ADIG: variants seen among roughly 807,000 people sequenced by gnomAD.
The protein encoded by ADIG is adipogenin.
A neutral mutation model predicts 10.7 loss-of-function variants in ADIG; 12 were observed. The ratio of observed to expected loss-of-function variants is 1.12; its 90% CI spans 0.72 to 1.82. The LOEUF (loss-of-function observed/expected upper bound fraction) is 1.82, where lower values mean the gene tolerates loss of function less well. ADIG is among the 40% of genes most tolerant of loss of function. ADIG has a pLI of 0.00. For synonymous variants in ADIG, 32 were observed against 35.6 expected, an observed-to-expected ratio of 0.90 and a Z score of 0.36; for missense variants, 72 against 92.5, an observed-to-expected ratio of 0.78 and a Z score of 0.91.
chr20:38,588,164 G>A lies in ADIG; in HGVS notation c.*78G>A, dbSNP rs1328609253. The A allele has an allele frequency of 1.5e-6, 2 of 1,304,488 alleles. No homozygotes were observed. Among genetic ancestry groups the A allele is most frequent in the Non-Finnish European group, 1.0e-6 (1 of 988,718 alleles). 80.8% of individuals were successfully genotyped at this position (1,304,488 alleles called of 1,614,324 possible). Reference sequence around the variant, plus strand: ...AGAAGTGGATGGGAGAGACTTGCCAGGGAGGCAAGAGGACTTTGGCAACTG... The same window carrying A: ...AGAAGTGGATGGGAGAGACTTGCCAAGGAGGCAAGAGGACTTTGGCAACTG... On this transcript the variant is annotated 3_prime_UTR_variant, in exon 3 of 3. Transcript: ENST00000537425.
chr20:38,581,684 C>T (rs1190611325), intron 1 of ADIG, among the ~76,000 whole-genome samples: 1 of 151,940 alleles, frequency 6.6e-6, no homozygotes, highest in Non-Finnish European at 1.5e-5. Context: ...ATCTTTTGAA[C>T]AAATCAGAGG....
chr20:38,586,301 G>A, intron 2 of ADIG, 140 bp downstream of exon 2: 3 of 659,990 alleles, frequency 4.5e-6, no homozygotes, highest in Non-Finnish European at 7.7e-6. Flanking sequence ...TCTCCAGCAT[G>A]TGAGAGCCTT....
chr20:38,585,673 T>C (rs1170175080), intron 1 of ADIG: 2 of 818,724 alleles, frequency 2.4e-6, no homozygotes, highest in Non-Finnish European at 3.8e-6. Flanking sequence ...ACTCAGATGT[T>C]TGTTAATGAA....
intron 2 of ADIG, among the ~76,000 whole-genome samples, chr20:38,586,693 A>G (rs1306878429): frequency 6.6e-6 from 1 of 152,160 alleles, no homozygotes; most frequent in East Asian, 1.9e-4. Flanking sequence ...TAGAGGCTCA[A>G]TACATGTTTG....
Position 38,587,740 on chromosome 20 carries a change from CTT to C in ADIG, c.*15-347_*15-346del, listed in dbSNP as rs11477039. ...ACCCACCTCTTTCTTTCTTTTTTCC[CTT>C]TTTTTTTTTTTTTGAGACGGAGTCT... On this transcript the variant is annotated intron_variant, in intron 2 of 2. Coordinates refer to ENST00000537425, the MANE Select transcript of ADIG (RefSeq NM_001393816.1). Among the ~76,000 whole-genome samples the C allele has an allele frequency of 7.8e-3, 997 of 127,314 alleles. 3 individuals are homozygous for C. Among genetic ancestry groups the C allele is most frequent in the Middle Eastern group, 0.023 (6 of 256 alleles). 83.5% of individuals were successfully genotyped at this position (127,314 alleles called of 152,430 possible). A position where few individuals can be genotyped will look rare whatever the true frequency, so the allele number is the denominator to read the frequency against.
In ADIG at chr20:38,582,134, A is replaced by G. The variant is rs140920924; in HGVS notation, c.124+760A>G. Reference sequence around the variant, plus strand: ...TCAGCAAGAGGTCTCTTCCTGCTGGACACAGTGGCTCACACCTGTAATCCC... The same window carrying G: ...TCAGCAAGAGGTCTCTTCCTGCTGGGCACAGTGGCTCACACCTGTAATCCC... On this transcript the variant is annotated intron_variant, in intron 1 of 2. Transcript: ENST00000537425. 2.6e-3 allele frequency among the ~76,000 whole-genome samples: 403 copies of G among 152,228 alleles called. 1 individual carries two copies. Among genetic ancestry groups the G allele is most frequent in the African/African-American group, 9.2e-3 (384 of 41,542 alleles).
Position 38,587,349 on chromosome 20 carries a change from C to T in ADIG, c.*15-752C>T, listed in dbSNP as rs564626289. 7.2e-5 allele frequency among the ~76,000 whole-genome samples: 11 copies of T among 152,256 alleles called. No individual in the cohort carries two copies. In the South Asian group the frequency reaches 2.3e-3, roughly 32 times the overall value. On this transcript the variant is annotated intron_variant, in intron 2 of 2. Transcript: ENST00000537425. The stretch of plus-strand genomic sequence containing the variant: ...GAGGAGGTGGTGAAAAGGAGGGCCC[C>T]TCACTTAACCTAAGTTGTAATGATT...
At position 38,588,159 on chromosome 20, in the gene ADIG, T is replaced by G; in HGVS notation, c.*73T>G. Reference sequence around the variant, plus strand: ...ATGGCAGAAGTGGATGGGAGAGACTTGCCAGGGAGGCAAGAGGACTTTGGC... The same window carrying G: ...ATGGCAGAAGTGGATGGGAGAGACTGGCCAGGGAGGCAAGAGGACTTTGGC... On this transcript the variant is annotated 3_prime_UTR_variant, in exon 3 of 3. Coordinates refer to ENST00000537425, the MANE Select transcript of ADIG (RefSeq NM_001393816.1). 7.7e-7 allele frequency: 1 copy of G among 1,304,438 alleles called. No homozygotes were observed. Among genetic ancestry groups the G allele is most frequent in the Non-Finnish European group, 1.0e-6 (1 of 988,646 alleles). The allele number at this position is 1,304,438 out of a possible 1,614,324, so 80.8% of individuals were successfully genotyped here.
chr20:38,581,405 C>T, intron 1 of ADIG, 31 bp downstream of exon 1: 1 of 1,613,258 alleles, frequency 6.2e-7, no homozygotes, highest in South Asian at 1.1e-5. Flanking sequence ...AGGCAGGACC[C>T]TAATCCTGGA....
intron 2 of ADIG, among the ~76,000 whole-genome samples, chr20:38,587,283 T>C (rs1336828198): frequency 7.7e-6 from 1 of 130,150 alleles, no homozygotes; most frequent in Non-Finnish European, 1.5e-5. Flanking sequence ...AGTTGGTTCA[T>C]GCAGTGTGTT....
chr20:38,585,658 T>A, intron 1 of ADIG: 1 of 920,710 alleles, frequency 1.1e-6, no homozygotes. Context: ...TCATTGTGCC[T>A]TTGTACTCAG....
At chr20:38,584,779 C>T (rs887491488) in intron 1 of ADIG, among the ~76,000 whole-genome samples, 1 of 151,324 alleles carries the variant, frequency 6.6e-6, no homozygotes, top group African/African-American at 2.5e-5. Flanking sequence ...CGCTATCCTA[C>T]TGACTTTTTT....
intron 1 of ADIG, 198 bp from the exon 2 acceptor site, chr20:38,585,831 T>A (rs2088631379): frequency 3.2e-6 from 2 of 624,902 alleles, no homozygotes; most frequent in Non-Finnish European, 5.6e-6. Context: ...AGGAGCAGCC[T>A]TCTTTCTTGG....
chr20:38,583,341 T>C (rs906114154), intron 1 of ADIG, among the ~76,000 whole-genome samples: 3 of 152,204 alleles, frequency 2.0e-5, no homozygotes, highest in Non-Finnish European at 4.4e-5. Flanking sequence ...AGAGAGCCAA[T>C]TGTCTGCCTT....
Position 38,586,791 on chromosome 20 carries a change from G to A in ADIG, c.*14+630G>A, listed in dbSNP as rs546839019. ...ATAGGTACCAAGGCCTGTCTGAACCGTTCCCCTTCCACAAGCTTACTTATG... is the reference window on the plus strand; with the variant it reads ...ATAGGTACCAAGGCCTGTCTGAACCATTCCCCTTCCACAAGCTTACTTATG... On this transcript the variant is annotated intron_variant, in intron 2 of 2. Transcript: ENST00000537425. Among the ~76,000 whole-genome samples the A allele has an allele frequency of 4.6e-5, 7 of 152,094 alleles. No homozygotes were observed. In the South Asian group the frequency reaches 8.3e-4, roughly 18 times the overall value.
chr20:38,581,549 G>A (rs1186558619), intron 1 of ADIG, among the ~76,000 whole-genome samples, 175 bp downstream of exon 1: 1 of 152,182 alleles, frequency 6.6e-6, no homozygotes, highest in Non-Finnish European at 1.5e-5. Flanking sequence ...GTTGTTTAGG[G>A]TTTCTTAACC....
chr20:38,586,183 G>T, intron 2 of ADIG, 22 bp downstream of exon 2: 1 of 1,549,800 alleles, frequency 6.5e-7, no homozygotes, highest in Non-Finnish European at 8.7e-7. Context: ...CCAGGGGCCA[G>T]GGGGAGCCTC....
At chr20:38,586,648 G>A (rs1172958958) in intron 2 of ADIG, among the ~76,000 whole-genome samples, 1 of 152,144 alleles carries the variant, frequency 6.6e-6, no homozygotes, top group African/African-American at 2.4e-5. Context: ...GATCGTGGCT[G>A]CATCCAAAGC....
intron 2 of ADIG, 61 bp downstream of exon 2, chr20:38,586,222 C>CT: frequency 7.2e-7 from 1 of 1,390,732 alleles, no homozygotes; most frequent in Non-Finnish European, 9.9e-7. Flanking sequence ...TGGGCAGCTG[C>CT]TATGTGGGCA....
Sources: allele counts gnomAD v4.1 joint callset (sites outside exome capture counted in the v4.1 genomes callset), GRCh38; gene constraint gnomAD v4.1.1; transcripts MANE v1.5; gene names NCBI Gene and HGNC (gene_info 2026-07-23, HGNC 2026-07-21).